PARD3B: variants seen among roughly 807,000 people sequenced by gnomAD.
The protein encoded by PARD3B is partitioning defective 3 homolog B.
PARD3B carries 103 observed loss-of-function variants against 130.2 expected under a neutral mutation model. The ratio of observed to expected loss-of-function variants is 0.79; its 90% CI spans 0.67 to 0.93. PARD3B has a LOEUF of 0.93. Ranked by LOEUF, PARD3B falls within the 40% of genes least tolerant of loss-of-function variation. The pLI is 0.00. For missense variants in PARD3B, 1,609 were observed against 1,499.2 expected (o/e 1.07, Z -1.21); for synonymous variants, 583 against 553.2 (o/e 1.05, Z -0.76).
chr2:204,956,041 G>A (rs1198359766), intron 2 of PARD3B, among the ~76,000 whole-genome samples: 2 of 152,222 alleles, frequency 1.3e-5, no homozygotes, highest in East Asian at 3.9e-4. Context: ...ATAGTGTTAT[G>A]GTTAAATGTC....
intron 18 of PARD3B, among the ~76,000 whole-genome samples, chr2:205,319,613 T>G (rs1468037636): frequency 6.6e-6 from 1 of 152,212 alleles, no homozygotes; most frequent in Non-Finnish European, 1.5e-5. Context: ...CTCGCCATTT[T>G]TCATCCTGGT....
intron 22 of PARD3B, among the ~76,000 whole-genome samples, chr2:205,580,786 C>G (rs1332112851): frequency 6.6e-6 from 1 of 152,082 alleles, no homozygotes; most frequent in Admixed American, 6.5e-5. Flanking sequence ...GCATTCTTCA[C>G]TTGGTGAGTC....
At chr2:204,884,510 T>C (rs989084013) in intron 2 of PARD3B, among the ~76,000 whole-genome samples, 1 of 152,204 alleles carries the variant, frequency 6.6e-6, no homozygotes, top group Admixed American at 6.5e-5. Flanking sequence ...GTTTGTTACA[T>C]AGGTAAATGT....
chr2:205,343,986 G>A (rs1382927384), intron 18 of PARD3B, among the ~76,000 whole-genome samples: 5 of 152,176 alleles, frequency 3.3e-5, no homozygotes, highest in Non-Finnish European at 7.3e-5. Flanking sequence ...AGTGGGGGAA[G>A]AGTATCGTCA....
chr2:204,998,492 G>GTATATATATGTGTATATAATATATGTA (rs1575520601), intron 3 of PARD3B, among the ~76,000 whole-genome samples: 2 of 63,594 alleles, frequency 3.1e-5, no homozygotes, highest in East Asian at 2.7e-4. Context: ...TATAATATAT[G>GTATATATATGTGTATATAATATATGTA]TATATATATG....
chr2:205,429,829 G>A (rs2047268368), intron 19 of PARD3B, among the ~76,000 whole-genome samples: 1 of 152,164 alleles, frequency 6.6e-6, no homozygotes, highest in African/African-American at 2.4e-5. Context: ...CAAGGTGTCA[G>A]CAGAGTTGCT....
At chr2:204,996,568 A>G (rs1001609730) in intron 3 of PARD3B, among the ~76,000 whole-genome samples, 9 of 151,618 alleles carry the variant, frequency 5.9e-5, no homozygotes, top group African/African-American at 1.7e-4. Context: ...GGTGGAGCCT[A>G]CAGAGGCAGG....
At chr2:205,312,823 T>G (rs1395936921) in intron 18 of PARD3B, among the ~76,000 whole-genome samples, 2 of 152,202 alleles carry the variant, frequency 1.3e-5, no homozygotes, top group Non-Finnish European at 2.9e-5. Context: ...TTTTTTCCAT[T>G]ATTACTATCA....
Position 205,500,018 on chromosome 2 carries a change from A to G in PARD3B, c.3167A>G (p.Tyr1056Cys). The change falls in exon 21 of 23, where the codon TAT (tyrosine) becomes TGT (cysteine). Residue 1056 changes from tyrosine to cysteine, a missense_variant. Physicochemically the swap from Tyr to Cys is radical, Grantham distance 194 (BLOSUM62 -2). Transcript: ENST00000406610. ...GAAGGAAGAGCAAGGCCATCTGAGT[A>G]TGACCTACTCTGGGTAAGCGCATGC... ...DDEGRARPSEYDLLWVPGRGP... is the reference protein window; with the variant it reads ...DDEGRARPSECDLLWVPGRGP... 1 of 1,613,768 alleles carries G rather than the reference A, an allele frequency of 6.2e-7. No homozygotes were observed.
At position 205,118,902 on chromosome 2, in the gene PARD3B, A is replaced by G. The variant is rs2030272851; in HGVS notation, c.681-19A>G. On this transcript the variant is annotated intron_variant, in intron 6 of 22. Transcript: ENST00000406610. The stretch of plus-strand genomic sequence containing the variant: ...TTTATTATTCAGTAATTATATTTCA[A>G]TCTAAATTTTGCATTTAGGATTCTA... 1 of 1,505,358 alleles carries G rather than the reference A, an allele frequency of 6.6e-7. No individual in the cohort carries two copies. The highest frequency in any genetic ancestry group is 1.4e-5 in the African/African-American group (1 of 70,664). The allele number at this position is 1,505,358 out of a possible 1,614,324, so 93.3% of individuals were successfully genotyped here.
At position 205,176,613 on chromosome 2, in the gene PARD3B, G is replaced by T. The variant is rs111420539; in HGVS notation, c.1924+36G>T. On this transcript the variant is annotated intron_variant, in intron 13 of 22. Transcript: ENST00000406610. The surrounding 1 kb of genome is among the most constrained non-coding windows in gnomAD (Gnocchi z 5.3). ...ATTCATTTTATCCACTGCAAATGGA[G>T]TGAGAAAACACAAAAGTGTCTTTTT... The T allele has an allele frequency of 4.6e-6, 7 of 1,508,136 alleles. No homozygotes were observed. Among genetic ancestry groups the T allele is most frequent in the Non-Finnish European group, 6.2e-6 (7 of 1,127,896 alleles). The allele number at this position is 1,508,136 out of a possible 1,614,324, so 93.4% of individuals were successfully genotyped here.
At chr2:204,703,677 A>G (rs1389864523) in intron 2 of PARD3B, among the ~76,000 whole-genome samples, 1 of 152,164 alleles carries the variant, frequency 6.6e-6, no homozygotes, top group Non-Finnish European at 1.5e-5. Context: ...AAAATAACCA[A>G]TTCATAAGCA....
chr2:204,933,336 T>C (rs1688166418), intron 2 of PARD3B, among the ~76,000 whole-genome samples: 1 of 152,204 alleles, frequency 6.6e-6, no homozygotes, highest in Non-Finnish European at 1.5e-5. Flanking sequence ...TTGATTTTAA[T>C]TGATGACACT....
At chr2:205,175,097 T>A (rs1432831544) in intron 12 of PARD3B, among the ~76,000 whole-genome samples, 1 of 152,318 alleles carries the variant, frequency 6.6e-6, no homozygotes, top group Non-Finnish European at 1.5e-5. Flanking sequence ...AATGGAGGGC[T>A]CTGCGACGGC....
intron 2 of PARD3B, among the ~76,000 whole-genome samples, chr2:204,832,158 A>G (rs2043849339): frequency 6.6e-6 from 1 of 152,100 alleles, no homozygotes; most frequent in African/African-American, 2.4e-5. Flanking sequence ...CCTGGGAGGC[A>G]GAGCTTGCAG....
At position 205,463,007 on chromosome 2, in the gene PARD3B, G is replaced by C. The variant is rs1486510826; in HGVS notation, c.3044+22335G>C. Among the ~76,000 whole-genome samples the C allele has an allele frequency of 6.6e-6, 1 of 152,158 alleles. No individual in the cohort carries two copies. Among genetic ancestry groups the C allele is most frequent in the Non-Finnish European group, 1.5e-5 (1 of 68,028 alleles). On this transcript the variant is annotated intron_variant, in intron 20 of 22. Coordinates refer to ENST00000406610, the MANE Select transcript of PARD3B (RefSeq NM_001302769.2). The surrounding 1 kb of genome is among the most constrained non-coding windows in gnomAD (Gnocchi z 4.8). ...ACACCTGTAAAATTGTGAGTTCCCTGTGGGCTCTAATAATCAGAGTCCTAG... is the reference window on the plus strand; with the variant it reads ...ACACCTGTAAAATTGTGAGTTCCCTCTGGGCTCTAATAATCAGAGTCCTAG...
chr2:204,611,576 C>T (rs1335472729), intron 1 of PARD3B, among the ~76,000 whole-genome samples: 2 of 152,130 alleles, frequency 1.3e-5, no homozygotes, highest in Non-Finnish European at 2.9e-5. Context: ...TGTTCTTCCT[C>T]ATCTCCTTTA....
intron 2 of PARD3B, among the ~76,000 whole-genome samples, chr2:204,734,744 A>G (rs2039670053): frequency 6.6e-6 from 1 of 152,262 alleles, no homozygotes; most frequent in South Asian, 2.1e-4. Context: ...CTAGGGGTGA[A>G]GTGAGGAAAT....
intron 15 of PARD3B, among the ~76,000 whole-genome samples, chr2:205,198,351 T>G (rs966468510): frequency 1.3e-5 from 2 of 152,216 alleles, no homozygotes; most frequent in Non-Finnish European, 2.9e-5. Flanking sequence ...GGAAGTTTCC[T>G]GACAATGAAG....
Sources: gnomAD v4.1 joint callset for allele counts (sites outside exome capture counted in the v4.1 genomes callset) on GRCh38, gnomAD v4.1.1 for gene constraint, Gnocchi (gnomAD v3.1) non-coding constraint, MANE v1.5 for transcripts, NCBI Gene and HGNC (gene_info 2026-07-23, HGNC 2026-07-21) for gene names.